The following MGAT4C variants were observed in gnomAD, a reference collection of about 807,000 sequenced individuals.
MGAT4C encodes alpha-1,3-mannosyl-glycoprotein 4-beta-N-acetylglucosaminyltransferase C.
Under a neutral mutation model 40.1 loss-of-function variants are expected in MGAT4C, and 19 were observed. The observed-to-expected ratio is 0.47, with a 90% confidence interval of 0.33 to 0.70. The LOEUF (loss-of-function observed/expected upper bound fraction) is 0.70, where lower values mean the gene tolerates loss of function less well. Ranked by LOEUF, MGAT4C falls within the 30% of genes least tolerant of loss-of-function variation. The probability of loss-of-function intolerance (pLI) is 0.02; values close to 1 mark genes in which losing one functional copy is unlikely to be tolerated. For missense variants in MGAT4C, 491 were observed against 563.2 expected, an observed-to-expected ratio of 0.87 and a Z score of 1.30; for synonymous variants, 181 against 187.1, an observed-to-expected ratio of 0.97 and a Z score of 0.27.
At chr12:86,531,365 T>C (rs1242227581) in intron 2 of MGAT4C, among the ~76,000 whole-genome samples, 1 of 152,000 alleles carries the variant, frequency 6.6e-6, no homozygotes, top group Non-Finnish European at 1.5e-5. Flanking sequence ...GGTTGCTGAT[T>C]GGTTTTAGCC....
chr12:86,286,732 C>G (rs1953360815), intron 4 of MGAT4C, among the ~76,000 whole-genome samples: 1 of 151,688 alleles, frequency 6.6e-6, no homozygotes, highest in Admixed American at 6.6e-5. Flanking sequence ...TATTCTCATT[C>G]CCCTCCCACC....
At chr12:86,104,275 A>T (rs12300620) in intron 1 of MGAT4C, among the ~76,000 whole-genome samples, 34 of 144,862 alleles carry the variant, frequency 2.3e-4, no homozygotes, top group Non-Finnish European at 4.4e-4. Context: ...AAAAAAAAAA[A>T]GAAAAATACA....
intron 1 of MGAT4C, among the ~76,000 whole-genome samples, chr12:86,823,043 G>A (rs1434906529): frequency 6.6e-6 from 1 of 150,622 alleles, no homozygotes; most frequent in Admixed American, 6.7e-5. Flanking sequence ...AACAACCACT[G>A]GGTAAGAGAA....
chr12:86,058,723 A>T (rs561512382), intron 1 of MGAT4C, among the ~76,000 whole-genome samples: 1 of 152,268 alleles, frequency 6.6e-6, no homozygotes, highest in African/African-American at 2.4e-5. Flanking sequence ...TTTTGTTGAC[A>T]TGGTGTTTCT....
intron 1 of MGAT4C, among the ~76,000 whole-genome samples, chr12:86,204,525 T>C (rs61949000): frequency 0.077 from 11,703 of 152,200 alleles, 585 homozygotes; most frequent in Middle Eastern, 0.22. Context: ...TTTCAATGAC[T>C]AGAGTAGCAT....
At chr12:86,701,358 T>C (rs1416825719) in intron 2 of MGAT4C, among the ~76,000 whole-genome samples, 1 of 152,164 alleles carries the variant, frequency 6.6e-6, no homozygotes, top group Non-Finnish European at 1.5e-5. Context: ...TCACAATATT[T>C]CCAACTTTTT....
In MGAT4C at chr12:86,132,600, T is replaced by C. The variant is rs774068964; in HGVS notation, c.-56-82877A>G. Among the ~76,000 whole-genome samples the C allele has an allele frequency of 1.1e-3, 162 of 152,104 alleles. 1 individual carries two copies. Among genetic ancestry groups the C allele is most frequent in the Admixed American group, 1.4e-3 (21 of 15,274 alleles). Reference sequence around the variant, plus strand: ...TGAGGTCAGGAGATCGAGACTATCCTGGCTAACACGATGAAACCCCGTCTC... The same window carrying C: ...TGAGGTCAGGAGATCGAGACTATCCCGGCTAACACGATGAAACCCCGTCTC... On this transcript the variant is annotated intron_variant, in intron 1 of 4. Coordinates refer to ENST00000611864, the MANE Select transcript of MGAT4C (RefSeq NM_001351288.2).
intron 2 of MGAT4C, among the ~76,000 whole-genome samples, chr12:86,498,524 A>C (rs1221610474): frequency 6.6e-6 from 1 of 151,956 alleles, no homozygotes; most frequent in Non-Finnish European, 1.5e-5. Flanking sequence ...TACAAAAGTA[A>C]AATTTATCAA....
At chr12:86,700,011 T>C (rs1469985867) in intron 2 of MGAT4C, among the ~76,000 whole-genome samples, 1 of 126,542 alleles carries the variant, frequency 7.9e-6, no homozygotes, top group Non-Finnish European at 1.7e-5. Context: ...CAAATCTATG[T>C]TGTTCAGGGG....
At chr12:86,480,588 G>GTATACATATATAGATATGTACACA (rs1338728110) in intron 2 of MGAT4C, among the ~76,000 whole-genome samples, 1 of 151,518 alleles carries the variant, frequency 6.6e-6, no homozygotes, top group African/African-American at 2.4e-5. Context: ...ACATATGTAT[G>GTATACATATATAGATATGTACACA]TATACATATA....
chr12:86,799,074 T>C (rs1952180025), intron 1 of MGAT4C, among the ~76,000 whole-genome samples: 1 of 151,810 alleles, frequency 6.6e-6, no homozygotes, highest in Non-Finnish European at 1.5e-5. Context: ...TAAGGTGAAA[T>C]TCAGCATACA....
chr12:86,427,819 G>A (rs938594908), intron 3 of MGAT4C, among the ~76,000 whole-genome samples: 2 of 152,120 alleles, frequency 1.3e-5, no homozygotes, highest in East Asian at 3.9e-4. Context: ...AGGGGATCAA[G>A]ACCATCCTGG....
At chr12:86,305,745 A>G (rs1360400962) in intron 4 of MGAT4C, among the ~76,000 whole-genome samples, 2 of 150,466 alleles carry the variant, frequency 1.3e-5, no homozygotes, top group Admixed American at 6.6e-5. Flanking sequence ...AATACCTAAT[A>G]CAATATAAAT....
chr12:86,798,501 T>A (rs1565997128), intron 1 of MGAT4C, among the ~76,000 whole-genome samples: 1 of 151,988 alleles, frequency 6.6e-6, no homozygotes, highest in Non-Finnish European at 1.5e-5. Flanking sequence ...TCTCTTTTTC[T>A]TATTCACTTC....
At chr12:86,461,294 G>A (rs1368471704) in intron 2 of MGAT4C, among the ~76,000 whole-genome samples, 1 of 146,284 alleles carries the variant, frequency 6.8e-6, no homozygotes, top group African/African-American at 2.5e-5. Flanking sequence ...GTCGGACTGC[G>A]GACTGCAGTG....
chr12:86,080,837 A>G (rs991369260), intron 1 of MGAT4C, among the ~76,000 whole-genome samples: 3 of 152,214 alleles, frequency 2.0e-5, no homozygotes, highest in Admixed American at 1.3e-4. Flanking sequence ...TAAAAACACA[A>G]TTATGGTTTT....
chr12:86,805,438 G>T (rs1174545323), intron 1 of MGAT4C, among the ~76,000 whole-genome samples: 2 of 151,776 alleles, frequency 1.3e-5, no homozygotes, highest in Non-Finnish European at 2.9e-5. Context: ...CCAGTGTTTA[G>T]CTCCCATTTA....
intron 1 of MGAT4C, among the ~76,000 whole-genome samples, chr12:86,173,168 T>C (rs937363128): frequency 6.6e-6 from 1 of 152,130 alleles, no homozygotes; most frequent in Non-Finnish European, 1.5e-5. Flanking sequence ...GGGATTCATA[T>C]ATTTCTTAGA....
At position 86,380,971 on chromosome 12, in the gene MGAT4C, G is replaced by C. The variant is rs376500596; in HGVS notation, c.-119-46844C>G. ...GAAAATATGAGAAAACACTTCATAG[G>C]CCAATTTATACAATAAAATAGGCAA... On this transcript the variant is annotated intron_variant, in intron 3 of 7. Transcript: ENST00000548651. Among the ~76,000 whole-genome samples, 209 of 152,146 alleles carry C rather than the reference G, an allele frequency of 1.4e-3. 1 individual carries two copies. Among genetic ancestry groups the C allele is most frequent in the African/African-American group, 4.7e-3 (197 of 41,508 alleles).
Sources: gnomAD v4.1 joint callset for allele counts (sites outside exome capture counted in the v4.1 genomes callset) on GRCh38, gnomAD v4.1.1 for gene constraint, MANE v1.5 for transcripts, NCBI Gene and HGNC (gene_info 2026-07-23, HGNC 2026-07-21) for gene names.